PRIM2: variants seen among roughly 807,000 people sequenced by gnomAD.
PRIM2 encodes DNA primase large subunit.
Under a neutral mutation model 67.3 loss-of-function variants are expected in PRIM2, and 39 were observed. The observed-to-expected ratio is 0.58, with a 90% CI of 0.45 to 0.76. The LOEUF (loss-of-function observed/expected upper bound fraction) is 0.76, where lower values mean the gene tolerates loss of function less well. PRIM2 is among the 30% of genes least tolerant of loss of function. PRIM2 has a pLI of 0.00. For missense variants in PRIM2, 398 were observed against 598.7 expected, an observed-to-expected ratio of 0.66 and a Z score of 3.50; for synonymous variants, 143 against 198.7, an observed-to-expected ratio of 0.72 and a Z score of 2.36.
chr6:57,608,158 A>G (rs1776594864), intron 12 of PRIM2, among the ~76,000 whole-genome samples: 1 of 152,200 alleles, frequency 6.6e-6, no homozygotes, highest in Non-Finnish European at 1.5e-5. Context: ...GGTGGGATCA[A>G]TGAAGACTGA....
intron 5 of PRIM2, among the ~76,000 whole-genome samples, chr6:57,336,617 T>G (rs1275346040): frequency 6.6e-6 from 1 of 151,856 alleles, no homozygotes; most frequent in Non-Finnish European, 1.5e-5. Flanking sequence ...CTAAGCTTCA[T>G]AAGTGAAGGA....
chr6:57,489,548 C>G (rs1360496030), intron 7 of PRIM2, among the ~76,000 whole-genome samples: 1 of 19,784 alleles, frequency 5.1e-5, no homozygotes, highest in Non-Finnish European at 1.0e-4. Context: ...CAGAGTGAGA[C>G]CCCCGTCTCC....
the PRIM2 span, among the ~76,000 whole-genome samples, chr6:57,260,017 T>C: frequency 6.6e-6 from 1 of 152,200 alleles, no homozygotes; most frequent in Non-Finnish European, 1.5e-5. Context: ...TTTTTTTCTG[T>C]GTCAATCTTG....
intron 8 of PRIM2, among the ~76,000 whole-genome samples, chr6:57,531,764 T>A (rs1160636047): frequency 6.6e-6 from 1 of 152,162 alleles, no homozygotes; most frequent in Non-Finnish European, 1.5e-5. Context: ...TTCTAACTCC[T>A]CCAAGCCTCC....
intron 10 of PRIM2, among the ~76,000 whole-genome samples, chr6:57,559,099 T>C (rs1343737720): frequency 1.2e-3 from 181 of 151,228 alleles, no homozygotes; most frequent in Non-Finnish European, 2.0e-3. Context: ...CACTTTACTC[T>C]AGCCTGGGAG....
At chr6:57,366,996 C>A (rs1581832940) in intron 5 of PRIM2, among the ~76,000 whole-genome samples, 1 of 151,726 alleles carries the variant, frequency 6.6e-6, no homozygotes, top group South Asian at 2.1e-4. Flanking sequence ...AGTAAATAAT[C>A]TTTCCTTTTT....
chr6:57,389,713 G>A lies in PRIM2; in HGVS notation c.693+7545G>A, dbSNP rs2397263. ...GGAAAAATATGCTTTGTAGGCACTT[G>A]ATCAGGTAATTTTTATTTCTAAAGA... is the stretch of plus-strand genomic sequence containing the variant. On this transcript the variant is annotated intron_variant, in intron 7 of 13. Coordinates refer to ENST00000615550, the MANE Select transcript of PRIM2 (RefSeq NM_000947.5). Among the ~76,000 whole-genome samples the A allele has an allele frequency of 2.6e-5, 4 of 152,282 alleles. No homozygotes were observed. The South Asian group carries it at 6.2e-4, about 24-fold the overall frequency.
At position 57,386,443 on chromosome 6, in the gene PRIM2, C is replaced by T. The variant is rs5012355; in HGVS notation, c.693+4275C>T. Among the ~76,000 whole-genome samples the T allele has an allele frequency of 4.1e-3, 555 of 134,038 alleles. 2 individuals are homozygous for T. The highest frequency in any genetic ancestry group is 0.015 in the African/African-American group (521 of 34,698). The allele number at this position is 134,038 out of a possible 152,430, so 87.9% of individuals were successfully genotyped here. ...AAAAAAAAAAAAAAAAAAAAAAGAA[C>T]GAAAGAAAGAAAGAAAGAAAAGGAT... is the stretch of plus-strand genomic sequence containing the variant. On this transcript the variant is annotated intron_variant, in intron 7 of 13. Coordinates refer to ENST00000615550, the MANE Select transcript of PRIM2 (RefSeq NM_000947.5).
chr6:57,282,748 A>G, the PRIM2 span, among the ~76,000 whole-genome samples: 1 of 152,220 alleles, frequency 6.6e-6, no homozygotes, highest in African/African-American at 2.4e-5. Context: ...CTAACGAGAG[A>G]GGGTGCAAAA....
the PRIM2 span, among the ~76,000 whole-genome samples, chr6:57,268,507 A>G: frequency 1.3e-5 from 2 of 152,222 alleles, no homozygotes; most frequent in African/African-American, 4.8e-5. Flanking sequence ...GTAGAAAAAT[A>G]GATTACAATC....
intron 7 of PRIM2, among the ~76,000 whole-genome samples, chr6:57,412,558 C>A (rs9357963): frequency 0.67 from 100,849 of 150,978 alleles, 33,703 homozygotes; most frequent in South Asian, 0.73. Context: ...TACTTCTCCA[C>A]ATGATATACG....
chr6:57,243,435 A>C, the PRIM2 span, among the ~76,000 whole-genome samples: 2 of 152,286 alleles, frequency 1.3e-5, no homozygotes, highest in African/African-American at 4.8e-5. Flanking sequence ...GGGACAGATG[A>C]GAAGGTTAAA....
intron 7 of PRIM2, among the ~76,000 whole-genome samples, chr6:57,460,987 T>C (rs1471819762): frequency 2.0e-5 from 3 of 152,182 alleles, no homozygotes; most frequent in Non-Finnish European, 4.4e-5. Flanking sequence ...TCAAGGAAAC[T>C]AGAAGTCTCT....
chr6:57,490,654 T>C (rs1179067534), intron 7 of PRIM2, among the ~76,000 whole-genome samples: 40 of 152,288 alleles, frequency 2.6e-4, no homozygotes, highest in African/African-American at 8.9e-4. Flanking sequence ...ATATAGGACC[T>C]GAAGTAAAGA....
intron 10 of PRIM2, among the ~76,000 whole-genome samples, chr6:57,552,531 A>G (rs1175451295): frequency 6.6e-6 from 1 of 152,176 alleles, no homozygotes; most frequent in Non-Finnish European, 1.5e-5. Flanking sequence ...GAATTCCTAT[A>G]TTTTAATCCC....
At chr6:57,243,498 T>C in the PRIM2 span, among the ~76,000 whole-genome samples, 1 of 152,198 alleles carries the variant, frequency 6.6e-6, no homozygotes, top group Non-Finnish European at 1.5e-5. Flanking sequence ...AGATGGAGCC[T>C]CGGTATGTTG....
intron 7 of PRIM2, among the ~76,000 whole-genome samples, chr6:57,474,037 G>C (rs1773405086): frequency 1.3e-5 from 2 of 151,828 alleles, no homozygotes; most frequent in Admixed American, 1.3e-4. Context: ...ACATGCTTGA[G>C]GAATTTGTAG....
intron 7 of PRIM2, among the ~76,000 whole-genome samples, chr6:57,436,163 A>G (rs1772006814): frequency 6.6e-6 from 1 of 152,050 alleles, no homozygotes; most frequent in African/African-American, 2.4e-5. Context: ...TAGGATGAGG[A>G]GGCTAATATT....
At chr6:57,527,511 A>C (rs1209658489) in intron 8 of PRIM2, among the ~76,000 whole-genome samples, 7 of 152,092 alleles carry the variant, frequency 4.6e-5, no homozygotes, top group African/African-American at 1.7e-4. Flanking sequence ...CCTCGCCTGG[A>C]TGTAACATTG....
Sources: gnomAD v4.1 joint callset for allele counts (sites outside exome capture counted in the v4.1 genomes callset) on GRCh38, gnomAD v4.1.1 for gene constraint, MANE v1.5 for transcripts, NCBI Gene and HGNC (gene_info 2026-07-23, HGNC 2026-07-21) for gene names.